Variants in CCDC30 observed in about 807,000 individuals in gnomAD.
CCDC30 encodes coiled-coil domain containing 30.
CCDC30 carries 70 observed loss-of-function variants against 100.2 expected under a neutral mutation model. The ratio of observed to expected loss-of-function variants is 0.70; its 90% CI spans 0.58 to 0.85. The LOEUF (loss-of-function observed/expected upper bound fraction) is 0.85. CCDC30 is among the 40% of genes least tolerant of loss of function. The pLI, the probability that CCDC30 is intolerant of heterozygous loss-of-function variation, is 0.00. For missense variants in CCDC30, 652 were observed against 771.2 expected (o/e 0.85, Z 1.83); for synonymous variants, 233 against 269.5 (o/e 0.86, Z 1.33).
Position 42,477,709 on chromosome 1 carries a change from T to C in CCDC30, c.-91-2752T>C, listed in dbSNP as rs1643899765. Among the ~76,000 whole-genome samples, 3 of 152,162 alleles carry C rather than the reference T, an allele frequency of 2.0e-5. No homozygotes were observed. In the East Asian group the frequency reaches 5.8e-4, roughly 29 times the overall value. On this transcript the variant is annotated intron_variant, in intron 1 of 16. Transcript: ENST00000668663. ...CTGGACTTGCAATAAATCTGTAAAC[T>C]GTGAAGGAAAGAGATAAGCCAGTGG... is the stretch of plus-strand genomic sequence containing the variant.
At chr1:42,456,862 G>T in the CCDC30 span, 8 of 1,613,470 alleles carry the variant, frequency 5.0e-6, no homozygotes, top group Non-Finnish European at 5.9e-6. Context: ...TCCCACCCCA[G>T]ACTTGGCTGT....
At chr1:42,456,955 G>A in the CCDC30 span, 1 of 1,605,098 alleles carries the variant, frequency 6.2e-7, no homozygotes, top group African/African-American at 1.3e-5. Flanking sequence ...GTTTTGCTGA[G>A]GCTCTGAGGA....
chr1:42,646,978 T>A (rs1647939398), intron 15 of CCDC30, among the ~76,000 whole-genome samples: 1 of 152,028 alleles, frequency 6.6e-6, no homozygotes, highest in Non-Finnish European at 1.5e-5. Context: ...TATGTGCTTG[T>A]AATCCCAGTT....
At chr1:42,463,720 A>C (rs560807432) in exon 1 of CCDC30, 1 of 152,222 alleles carries the variant, frequency 6.6e-6, no homozygotes, top group Non-Finnish European at 1.5e-5. Context: ...TGGACAGACA[A>C]CGCCCGAAGG....
At chr1:42,635,564 C>T (rs1570315262) in intron 11 of CCDC30, among the ~76,000 whole-genome samples, 1 of 151,982 alleles carries the variant, frequency 6.6e-6, no homozygotes, top group Non-Finnish European at 1.5e-5. Context: ...AATCCCAGCA[C>T]TTTGGGAGGC....
chr1:42,539,765 C>G (rs139068833), intron 6 of CCDC30, among the ~76,000 whole-genome samples: 1 of 152,062 alleles, frequency 6.6e-6, no homozygotes, highest in Non-Finnish European at 1.5e-5. Context: ...GTTCAAATGT[C>G]CTGATTCAAG....
intron 6 of CCDC30, among the ~76,000 whole-genome samples, chr1:42,540,827 T>G (rs1290998908): frequency 6.6e-6 from 1 of 152,230 alleles, no homozygotes; most frequent in Non-Finnish European, 1.5e-5. Context: ...GAAATTGACA[T>G]TGACACAATA....
At chr1:42,517,940 G>A (rs553185420) in intron 6 of CCDC30, among the ~76,000 whole-genome samples, 2 of 152,196 alleles carry the variant, frequency 1.3e-5, no homozygotes, top group South Asian at 2.1e-4. Flanking sequence ...TTTCAAGATT[G>A]TTGTGGCTGT....
chr1:42,548,951 T>C (rs1645195930), intron 6 of CCDC30, among the ~76,000 whole-genome samples: 1 of 152,210 alleles, frequency 6.6e-6, no homozygotes. Flanking sequence ...GATTTTAAGC[T>C]CCTTTAAGGT....
At chr1:42,463,098 TC>T (rs1643455182), upstream of CCDC30, among the ~76,000 whole-genome samples, 1 of 152,324 alleles carries the variant, frequency 6.6e-6, no homozygotes, top group South Asian at 2.1e-4. Flanking sequence ...TACAGCTGTC[TC>T]CAAAGCCAAT....
intron 11 of CCDC30, among the ~76,000 whole-genome samples, chr1:42,635,441 G>C (rs1399794685): frequency 6.6e-6 from 1 of 152,164 alleles, no homozygotes; most frequent in Non-Finnish European, 1.5e-5. Context: ...ATGAACATTT[G>C]TGTATAAGTT....
chr1:42,511,833 C>G (rs1287770934), intron 6 of CCDC30, among the ~76,000 whole-genome samples: 1 of 152,056 alleles, frequency 6.6e-6, no homozygotes, highest in Admixed American at 6.6e-5. Flanking sequence ...AGAGAGTGAC[C>G]TGTCTGAGAC....
intron 6 of CCDC30, chr1:42,510,263 C>A: frequency 2.7e-6 from 1 of 376,384 alleles, no homozygotes; most frequent in Non-Finnish European, 3.7e-6. Flanking sequence ...TGCTCATCTC[C>A]AAATTTCTCT....
intron 6 of CCDC30, among the ~76,000 whole-genome samples, chr1:42,500,821 G>A (rs1209275263): frequency 6.6e-6 from 1 of 152,036 alleles, no homozygotes. Context: ...CAAACACCTG[G>A]CCTGAAGTGA....
intron 10 of CCDC30, among the ~76,000 whole-genome samples, chr1:42,603,327 A>G (rs1646440760): frequency 6.6e-6 from 1 of 152,202 alleles, no homozygotes; most frequent in African/African-American, 2.4e-5. Context: ...AATTCCATTC[A>G]TGAGGACAGA....
chr1:42,563,588 T>G (rs1645541352), intron 6 of CCDC30, among the ~76,000 whole-genome samples: 2 of 152,164 alleles, frequency 1.3e-5, no homozygotes, highest in South Asian at 4.2e-4. Context: ...GAAGAAATTT[T>G]TTTAAAAAGT....
At chr1:42,640,309 G>A (rs1647293312) in intron 12 of CCDC30, among the ~76,000 whole-genome samples, 1 of 152,092 alleles carries the variant, frequency 6.6e-6, no homozygotes, top group East Asian at 1.9e-4. Flanking sequence ...TATTATCACA[G>A]CATGTGTCTG....
At chr1:42,608,368 G>T (rs1646546384) in intron 10 of CCDC30, among the ~76,000 whole-genome samples, 1 of 152,202 alleles carries the variant, frequency 6.6e-6, no homozygotes, top group African/African-American at 2.4e-5. Context: ...CAAGTGACAG[G>T]CACGGACATG....
At chr1:42,577,261 C>A in intron 8 of CCDC30, 32 bp downstream of exon 12, 1 of 1,262,662 alleles carries the variant, frequency 7.9e-7, no homozygotes, top group Non-Finnish European at 1.2e-6. Flanking sequence ...AAACAGCATA[C>A]ACTGAATACC....
Sources: gnomAD v4.1 joint callset for allele counts (sites outside exome capture counted in the v4.1 genomes callset) on GRCh38, gnomAD v4.1.1 for gene constraint, MANE v1.5 for transcripts, NCBI Gene and HGNC (gene_info 2026-07-23, HGNC 2026-07-21) for gene names.